TRAPPC9: variants seen among roughly 807,000 people sequenced by gnomAD.
The protein encoded by TRAPPC9 is trafficking protein particle complex subunit 9.
TRAPPC9 carries 83 observed loss-of-function variants against 124.0 expected under a neutral mutation model. That is an observed-to-expected ratio of 0.67 (90% CI 0.56 to 0.80). TRAPPC9 has a LOEUF of 0.80. Among genes scored for constraint, TRAPPC9 ranks in the 30% least tolerant of loss-of-function variants. The probability of loss-of-function intolerance (pLI) is 0.00; values close to 1 mark genes in which losing one functional copy is unlikely to be tolerated. For synonymous variants in TRAPPC9, 638 were observed against 617.5 expected, an observed-to-expected ratio of 1.03 and a Z score of -0.49; for missense variants, 1,302 against 1,508.3, an observed-to-expected ratio of 0.86 and a Z score of 2.27.
At chr8:139,865,276 C>T (rs1483196713) in intron 21 of TRAPPC9, among the ~76,000 whole-genome samples, 1 of 152,230 alleles carries the variant, frequency 6.6e-6, no homozygotes, top group Admixed American at 6.5e-5. Flanking sequence ...GCGTTCTGGT[C>T]TGGCAGAAGA....
chr8:139,741,535 C>T (rs1245211612), intron 21 of TRAPPC9, among the ~76,000 whole-genome samples: 1 of 152,094 alleles, frequency 6.6e-6, no homozygotes, highest in Non-Finnish European at 1.5e-5. Context: ...AAGTCACATA[C>T]CACACAATTC....
At chr8:140,389,457 G>T (rs1173198893) in intron 7 of TRAPPC9, among the ~76,000 whole-genome samples, 1 of 152,202 alleles carries the variant, frequency 6.6e-6, no homozygotes, top group Admixed American at 6.5e-5. Flanking sequence ...CTGCCGTCAC[G>T]GCCACTCAGG....
At chr8:140,013,914 G>A (rs1010521334) in intron 18 of TRAPPC9, among the ~76,000 whole-genome samples, 8 of 152,228 alleles carry the variant, frequency 5.3e-5, no homozygotes, top group African/African-American at 1.2e-4. Flanking sequence ...CAGCGCCAAT[G>A]AGCAGGAGAA....
intron 21 of TRAPPC9, among the ~76,000 whole-genome samples, chr8:139,852,205 G>A (rs1827521404): frequency 1.3e-5 from 2 of 152,080 alleles, no homozygotes; most frequent in South Asian, 2.1e-4. Flanking sequence ...CAATTGTGAG[G>A]CCTCCCCAAC....
chr8:139,970,444 T>C (rs140232079), intron 19 of TRAPPC9, among the ~76,000 whole-genome samples: 2,130 of 151,624 alleles, frequency 0.014, 51 homozygotes, highest in African/African-American at 0.049. Context: ...GGAGGGAGGG[T>C]ACAAGGGAAG....
chr8:140,397,175 A>C (rs1461736166), intron 7 of TRAPPC9, among the ~76,000 whole-genome samples: 2 of 152,216 alleles, frequency 1.3e-5, no homozygotes, highest in Non-Finnish European at 2.9e-5. Context: ...TTTATTAAAA[A>C]TCCATTTAGA....
At chr8:139,936,370 A>G (rs781430462) in intron 19 of TRAPPC9, among the ~76,000 whole-genome samples, 22 of 152,248 alleles carry the variant, frequency 1.4e-4, no homozygotes, top group Admixed American at 9.2e-4. Flanking sequence ...GCCACATGCT[A>G]TGAACACAAG....
intron 17 of TRAPPC9, among the ~76,000 whole-genome samples, chr8:140,043,273 G>T (rs1459368742): frequency 6.6e-6 from 1 of 152,206 alleles, no homozygotes; most frequent in Non-Finnish European, 1.5e-5. Flanking sequence ...GTAAAGAAAG[G>T]AAGCTACCTC....
chr8:140,236,968 G>A (rs559497625), intron 16 of TRAPPC9, among the ~76,000 whole-genome samples: 67 of 152,184 alleles, frequency 4.4e-4, no homozygotes, highest in African/African-American at 1.5e-3. Flanking sequence ...ATCACCGGAG[G>A]TCAGGAGTTT....
chr8:140,174,056 T>C (rs1378813378), intron 17 of TRAPPC9, among the ~76,000 whole-genome samples: 1 of 152,094 alleles, frequency 6.6e-6, no homozygotes, highest in East Asian at 1.9e-4. Flanking sequence ...GACATGAGTT[T>C]GGGGGGTAAA....
chr8:139,979,531 C>G (rs1483905899), intron 19 of TRAPPC9, among the ~76,000 whole-genome samples: 1 of 152,198 alleles, frequency 6.6e-6, no homozygotes, highest in African/African-American at 2.4e-5. Flanking sequence ...AATGCCCAGG[C>G]TGCGTCCAGC....
At chr8:140,217,173 T>C (rs933564639) in intron 17 of TRAPPC9, among the ~76,000 whole-genome samples, 2 of 152,196 alleles carry the variant, frequency 1.3e-5, no homozygotes, top group Non-Finnish European at 2.9e-5. Context: ...GAAGGAAGCC[T>C]GAACCCAGCC....
intron 19 of TRAPPC9, among the ~76,000 whole-genome samples, chr8:139,965,927 G>T (rs528740964): frequency 2.7e-4 from 41 of 152,348 alleles, no homozygotes; most frequent in Non-Finnish European, 4.6e-4. Flanking sequence ...CTGACATCTC[G>T]CACAGCCTGC....
At position 140,264,806 on chromosome 8, in the gene TRAPPC9, C is replaced by A. The variant is rs182773790; in HGVS notation, c.2278+10852G>T. On this transcript the variant is annotated intron_variant, in intron 15 of 22. Transcript: ENST00000438773. ...CAAACCATCAGTCTTGGGACTGCAA[C>A]TAAACAGCTACTCCTACCCCACCCA... 2.5e-4 allele frequency among the ~76,000 whole-genome samples: 38 copies of A among 152,260 alleles called. No homozygotes were observed. The East Asian group carries it at 7.3e-3, about 29-fold the overall frequency.
intron 17 of TRAPPC9, among the ~76,000 whole-genome samples, chr8:140,067,121 C>A (rs1842930217): frequency 6.6e-6 from 1 of 152,130 alleles, no homozygotes. Context: ...AGACCCATTT[C>A]TTTCTAATTC....
At chr8:140,032,667 T>C (rs903250739) in intron 17 of TRAPPC9, among the ~76,000 whole-genome samples, 1 of 152,238 alleles carries the variant, frequency 6.6e-6, no homozygotes, top group African/African-American at 2.4e-5. Flanking sequence ...TTTCAATATT[T>C]TGTTATTATG....
At chr8:140,013,232 C>T (rs577477242) in intron 18 of TRAPPC9, among the ~76,000 whole-genome samples, 1 of 152,274 alleles carries the variant, frequency 6.6e-6, no homozygotes, top group African/African-American at 2.4e-5. Flanking sequence ...GGGTTCCACT[C>T]GGACCGTGAC....
intron 9 of TRAPPC9, among the ~76,000 whole-genome samples, chr8:140,338,239 T>C (rs953804493): frequency 6.6e-6 from 1 of 152,128 alleles, no homozygotes; most frequent in South Asian, 2.1e-4. Context: ...CCCCACGCCA[T>C]ACGTATAAGC....
upstream of TRAPPC9, chr8:140,458,347 G>A (rs1433005180): frequency 6.3e-7 from 1 of 1,588,292 alleles, no homozygotes; most frequent in African/African-American, 1.4e-5. Flanking sequence ...AGGCCCCGCG[G>A]AAGCCCACTG....
Sources: allele counts gnomAD v4.1 joint callset (sites outside exome capture counted in the v4.1 genomes callset), GRCh38; gene constraint gnomAD v4.1.1; transcripts MANE v1.5; gene names NCBI Gene and HGNC (gene_info 2026-07-23, HGNC 2026-07-21).